ZDHHC7: variants seen among roughly 807,000 people sequenced by gnomAD.
ZDHHC7 encodes the protein palmitoyltransferase ZDHHC7.
In ZDHHC7, 12 loss-of-function variants were observed where a neutral mutation model predicts 34.1. That is an observed-to-expected ratio of 0.35 (90% CI 0.23 to 0.57). The LOEUF (loss-of-function observed/expected upper bound fraction) is 0.57. ZDHHC7 is among the 20% of genes least tolerant of loss of function. ZDHHC7 has a pLI of 0.84. For synonymous variants in ZDHHC7, 185 were observed against 155.4 expected, an observed-to-expected ratio of 1.19 and a Z score of -1.42; for missense variants, 388 against 402.7, an observed-to-expected ratio of 0.96 and a Z score of 0.31.
At chr16:85,003,552 T>C (rs111328803) in intron 1 of ZDHHC7, among the ~76,000 whole-genome samples, 1 of 152,038 alleles carries the variant, frequency 6.6e-6, no homozygotes, top group Non-Finnish European at 1.5e-5. Flanking sequence ...TAAGAAACCA[T>C]GATTTTCTAC....
At chr16:85,003,131 T>A (rs954444702) in intron 1 of ZDHHC7, among the ~76,000 whole-genome samples, 40 of 151,902 alleles carry the variant, frequency 2.6e-4, no homozygotes, top group Non-Finnish European at 5.6e-4. Flanking sequence ...GAGGCCAACC[T>A]CAGAGTCCAG....
chr16:85,026,485 C>T, the ZDHHC7 span, among the ~76,000 whole-genome samples: 3 of 152,054 alleles, frequency 2.0e-5, no homozygotes, highest in Non-Finnish European at 4.4e-5. Flanking sequence ...CTAGAAGGAG[C>T]TATGGTGCTG....
At chr16:84,989,224 G>C (rs2072476677) in intron 3 of ZDHHC7, among the ~76,000 whole-genome samples, 1 of 152,168 alleles carries the variant, frequency 6.6e-6, no homozygotes, top group Non-Finnish European at 1.5e-5. Context: ...CTGCCCTCTG[G>C]TTGGGCCTAT....
intron 5 of ZDHHC7, 40 bp from the exon 6 acceptor site, chr16:84,978,045 T>C: frequency 7.8e-6 from 12 of 1,534,958 alleles, no homozygotes; most frequent in Non-Finnish European, 1.1e-5. Flanking sequence ...TTTTATTTTT[T>C]ATTTTTTTTA....
In ZDHHC7 at chr16:85,006,305, G is replaced by C. The variant is rs1181621524; in HGVS notation, c.-104+4981C>G. Among the ~76,000 whole-genome samples the C allele has an allele frequency of 7.9e-5, 12 of 152,154 alleles. No homozygotes were observed. In the South Asian group the frequency reaches 2.3e-3, roughly 29 times the overall value. ...GCCCAGGCGTTCAAGGCTGCAGTGA[G>C]CTATGACTGCATCACTGTACTCCAG... On this transcript the variant is annotated intron_variant, in intron 1 of 7. Transcript: ENST00000313732.
upstream of ZDHHC7, among the ~76,000 whole-genome samples, chr16:85,015,910 A>G (rs2072832162): frequency 6.6e-6 from 1 of 152,084 alleles, no homozygotes; most frequent in African/African-American, 2.4e-5. Flanking sequence ...ATGTGATGCT[A>G]TAATAGAGTC....
chr16:85,023,699 A>G, the ZDHHC7 span, among the ~76,000 whole-genome samples: 1 of 152,134 alleles, frequency 6.6e-6, no homozygotes. Context: ...GCTCACTGCA[A>G]CCTTGACCTC....
At chr16:84,997,435 AT>A (rs940403321) in intron 1 of ZDHHC7, among the ~76,000 whole-genome samples, 14 of 150,804 alleles carry the variant, frequency 9.3e-5, no homozygotes, top group African/African-American at 3.4e-4. Flanking sequence ...CACCCAGCTA[AT>A]TATCTTTTGT....
chr16:84,976,310 C>A lies in ZDHHC7; in HGVS notation c.*33G>T. The A allele has an allele frequency of 6.2e-7, 1 of 1,608,970 alleles. No individual in the cohort carries two copies. ...AGACCCCAAATAAATAACTGGAAGT[C>A]TGTGAGCAAGTTTCAGTCTGATGAG... is the stretch of plus-strand genomic sequence containing the variant. On this transcript the variant is annotated 3_prime_UTR_variant, in exon 8 of 8. Transcript: ENST00000313732.
intron 3 of ZDHHC7, among the ~76,000 whole-genome samples, chr16:84,988,153 A>G (rs1281772676): frequency 6.6e-6 from 1 of 152,182 alleles, no homozygotes; most frequent in Non-Finnish European, 1.5e-5. Context: ...CCTGGGCGAC[A>G]GAGTGAGACT....
chr16:84,976,257 G>A lies in ZDHHC7; in HGVS notation c.*86C>T. The A allele has an allele frequency of 6.5e-7, 1 of 1,530,934 alleles. No individual in the cohort carries two copies. The allele number at this position is 1,530,934 out of a possible 1,614,324, so 94.8% of individuals were successfully genotyped here. On this transcript the variant is annotated 3_prime_UTR_variant, in exon 8 of 8. Transcript: ENST00000313732. Reference sequence around the variant, plus strand: ...TTGTGTAGGTTCCAGTTGCCCTGTTGGTCACAGATGAGCTGTTGATATCCT... The same window carrying A: ...TTGTGTAGGTTCCAGTTGCCCTGTTAGTCACAGATGAGCTGTTGATATCCT...
chr16:84,984,631 A>C (rs554629478), intron 3 of ZDHHC7, among the ~76,000 whole-genome samples: 1 of 152,206 alleles, frequency 6.6e-6, no homozygotes, highest in Non-Finnish European at 1.5e-5. Context: ...AGCCAAGTAC[A>C]CATTGGGTGA....
chr16:84,997,430 A>G (rs1439068306), intron 1 of ZDHHC7, among the ~76,000 whole-genome samples: 1 of 150,498 alleles, frequency 6.6e-6, no homozygotes, highest in Admixed American at 6.6e-5. Context: ...CACCACACCC[A>G]GCTAATTATC....
chr16:84,994,034 TGGA>T (rs1040870417), intron 2 of ZDHHC7, among the ~76,000 whole-genome samples: 9 of 152,228 alleles, frequency 5.9e-5, no homozygotes, highest in African/African-American at 2.2e-4. Context: ...AGAAAGTACC[TGGA>T]AGTTTCTCTG....
Position 84,975,449 on chromosome 16 carries a change from C to CA in ZDHHC7, c.*893dup, listed in dbSNP as rs60226788. ...TTATACACTGCTAATTTGGCTGGAA[C>CA]AAAAAAAAAAAATCAGTTCCAAGGC... is the stretch of plus-strand genomic sequence containing the variant. On this transcript the variant is annotated 3_prime_UTR_variant, in exon 8 of 8. Coordinates refer to ENST00000313732, the MANE Select transcript of ZDHHC7 (RefSeq NM_017740.3). 0.16 allele frequency: 22,166 copies of CA among 142,906 alleles called. 1,646 individuals are homozygous for CA. The highest frequency in any genetic ancestry group is 0.19 in the Middle Eastern group (54 of 278). The allele number at this position is 142,906 out of a possible 1,614,324, so 8.9% of individuals were successfully genotyped here. A position where few individuals can be genotyped will look rare whatever the true frequency, so the allele number is the denominator to read the frequency against.
At chr16:84,983,752 A>G (rs559779432) in intron 3 of ZDHHC7, among the ~76,000 whole-genome samples, 2 of 152,172 alleles carry the variant, frequency 1.3e-5, no homozygotes, top group East Asian at 3.9e-4. Flanking sequence ...CTTTAATCCC[A>G]GCACTTTGGG....
chr16:84,995,909 A>G lies in ZDHHC7; in HGVS notation c.-18+13T>C, dbSNP rs2072571094. On this transcript the variant is annotated intron_variant, in intron 2 of 7. Coordinates refer to ENST00000313732, the MANE Select transcript of ZDHHC7 (RefSeq NM_017740.3). ...GGAAACAGTGATTGGACCCTAAATA[A>G]TCACACTCTTACCTCACAAGTTATT... is the stretch of plus-strand genomic sequence containing the variant. 6.6e-6 allele frequency: 1 copy of G among 152,202 alleles called. No homozygotes were observed. The highest frequency in any genetic ancestry group is 1.5e-5 in the Non-Finnish European group (1 of 68,036). 9.4% of individuals were successfully genotyped at this position (152,202 alleles called of 1,614,324 possible).
the ZDHHC7 span, among the ~76,000 whole-genome samples, chr16:85,021,647 G>A: frequency 6.6e-6 from 1 of 152,060 alleles, no homozygotes; most frequent in Non-Finnish European, 1.5e-5. Context: ...GAACCCAAGA[G>A]ACGGAGGTTG....
chr16:84,994,575 G>T (rs3892393), intron 2 of ZDHHC7, among the ~76,000 whole-genome samples: 1 of 152,086 alleles, frequency 6.6e-6, no homozygotes, highest in Admixed American at 6.6e-5. Flanking sequence ...GCTCAGCTCC[G>T]CCTTCCTGGT....
Sources: allele counts gnomAD v4.1 joint callset (sites outside exome capture counted in the v4.1 genomes callset), GRCh38; gene constraint gnomAD v4.1.1; transcripts MANE v1.5; gene names NCBI Gene and HGNC (gene_info 2026-07-23, HGNC 2026-07-21).